Variants in DPYD observed in about 807,000 individuals in gnomAD.
DPYD encodes dihydropyrimidine dehydrogenase.
DPYD carries 109 observed loss-of-function variants against 116.2 expected under a neutral mutation model. The ratio of observed to expected loss-of-function variants is 0.94; its 90% CI spans 0.80 to 1.10. The LOEUF is 1.10. DPYD is among the 50% of genes least tolerant of loss of function. DPYD has a pLI of 0.00. For synonymous variants in DPYD, 440 were observed against 432.0 expected (o/e 1.02, Z -0.23); for missense variants, 1,302 against 1,254.5 (o/e 1.04, Z -0.57).
At chr1:97,109,141 A>T (rs1651402304) in intron 20 of DPYD, among the ~76,000 whole-genome samples, 2 of 152,154 alleles carry the variant, frequency 1.3e-5, no homozygotes, top group South Asian at 4.1e-4. Flanking sequence ...TAGGAAAAGC[A>T]TTAATAGATG....
chr1:97,291,693 G>T (rs1017549776), intron 18 of DPYD, among the ~76,000 whole-genome samples: 7 of 151,746 alleles, frequency 4.6e-5, no homozygotes, highest in Non-Finnish European at 8.8e-5. Flanking sequence ...GTTGTGGGGT[G>T]GGGGGAGTGG....
chr1:97,202,409 T>C (rs562717818), intron 19 of DPYD, among the ~76,000 whole-genome samples: 6 of 152,268 alleles, frequency 3.9e-5, no homozygotes, highest in African/African-American at 1.4e-4. Context: ...TGAAAGTCTA[T>C]TTTTCAGTGT....
In DPYD at chr1:97,261,132, C is replaced by T. The variant is rs139433369; in HGVS notation, c.2300-26138G>A. The stretch of plus-strand genomic sequence containing the variant: ...AAGACTTAGTCTAGAATTGTGAAGA[C>T]GTATGACAAACACATGACAAACAAG... On this transcript the variant is annotated intron_variant, in intron 18 of 22. Transcript: ENST00000370192. Among the ~76,000 whole-genome samples, 290 of 152,082 alleles carry T rather than the reference C, an allele frequency of 1.9e-3. 1 individual carries two copies. Among genetic ancestry groups the T allele is most frequent in the Middle Eastern group, 6.8e-3 (2 of 294 alleles).
At chr1:97,582,809 A>G (rs1017139504) in intron 10 of DPYD, among the ~76,000 whole-genome samples, 1 of 152,244 alleles carries the variant, frequency 6.6e-6, no homozygotes, top group Non-Finnish European at 1.5e-5. Context: ...TTGGATAAAT[A>G]TAGTCGTCCC....
At chr1:97,492,307 C>T (rs975320894) in intron 13 of DPYD, among the ~76,000 whole-genome samples, 1 of 152,110 alleles carries the variant, frequency 6.6e-6, no homozygotes, top group Non-Finnish European at 1.5e-5. Flanking sequence ...ACTACCTGCA[C>T]AGCATACACA....
chr1:97,389,288 G>C (rs1672535378), intron 14 of DPYD, among the ~76,000 whole-genome samples: 1 of 142,756 alleles, frequency 7.0e-6, no homozygotes, highest in African/African-American at 2.6e-5. Flanking sequence ...CAGCCTGGGC[G>C]ACAGAATGAG....
intron 20 of DPYD, among the ~76,000 whole-genome samples, chr1:97,116,870 C>G (rs1652004539): frequency 6.6e-6 from 1 of 151,922 alleles, no homozygotes; most frequent in Non-Finnish European, 1.5e-5. Context: ...AAAGGCAACT[C>G]CAGGCCAGTG....
rs556507431 is a variant in DPYD, at chr1:97,909,567, A to G, written c.39+11317T>C. ...GCTTCTTTCCCCAATGGCTATTGTC[A>G]AGCTCACACTTTTTCAATGTTACTA... On this transcript the variant is annotated intron_variant, in intron 1 of 22. Transcript: ENST00000370192. Among the ~76,000 whole-genome samples, 3 of 151,860 alleles carry G rather than the reference A, an allele frequency of 2.0e-5. No individual in the cohort carries two copies. In the South Asian group the frequency reaches 6.2e-4, roughly 32 times the overall value.
chr1:97,509,100 G>C (rs1460540886), intron 13 of DPYD, among the ~76,000 whole-genome samples: 1 of 151,962 alleles, frequency 6.6e-6, no homozygotes, highest in Non-Finnish European at 1.5e-5. Flanking sequence ...CCATGAGTGA[G>C]AAGAACTAAT....
At chr1:97,169,462 G>A (rs1042053990) in intron 20 of DPYD, among the ~76,000 whole-genome samples, 11 of 151,886 alleles carry the variant, frequency 7.2e-5, no homozygotes, top group Admixed American at 6.6e-4. Context: ...GCCCTTAGTA[G>A]GAAGATGTGC....
chr1:97,375,595 T>C (rs1387163031), intron 15 of DPYD, among the ~76,000 whole-genome samples: 7 of 152,292 alleles, frequency 4.6e-5, no homozygotes, highest in African/African-American at 1.7e-4. Context: ...GTAGTGAGCA[T>C]GGATGAGCAC....
At chr1:97,096,900 A>G (rs1024931162) in intron 21 of DPYD, among the ~76,000 whole-genome samples, 5 of 152,122 alleles carry the variant, frequency 3.3e-5, no homozygotes, top group Non-Finnish European at 7.4e-5. Flanking sequence ...GCCACATTTA[A>G]GAGCTGTAAC....
At chr1:97,166,112 A>G (rs1656305899) in intron 20 of DPYD, among the ~76,000 whole-genome samples, 1 of 152,204 alleles carries the variant, frequency 6.6e-6, no homozygotes, top group Non-Finnish European at 1.5e-5. Flanking sequence ...TCTACCTACC[A>G]TAAAGATACG....
intron 2 of DPYD, among the ~76,000 whole-genome samples, chr1:97,828,897 T>G (rs1299453562): frequency 6.6e-6 from 1 of 152,002 alleles, no homozygotes; most frequent in Non-Finnish European, 1.5e-5. Flanking sequence ...TTCTACTTTT[T>G]GGTAAAATAG....
chr1:97,907,772 T>C (rs1406012924), intron 1 of DPYD, among the ~76,000 whole-genome samples: 1 of 151,972 alleles, frequency 6.6e-6, no homozygotes, highest in Non-Finnish European at 1.5e-5. Flanking sequence ...CCAGCTCCTT[T>C]GCAGTTCACA....
At chr1:97,286,303 G>A (rs1156677280) in intron 18 of DPYD, among the ~76,000 whole-genome samples, 1 of 152,134 alleles carries the variant, frequency 6.6e-6, no homozygotes, top group African/African-American at 2.4e-5. Context: ...TTAGTCTGAT[G>A]GGCTTCCCTT....
chr1:97,420,256 TC>T (rs2101694861), intron 14 of DPYD: 1 of 152,344 alleles, frequency 6.6e-6, no homozygotes, highest in South Asian at 2.1e-4. Flanking sequence ...CTGAAGTAGG[TC>T]CGTCTTCCAG....
At chr1:97,413,668 G>T (rs1341185927) in intron 14 of DPYD, among the ~76,000 whole-genome samples, 1 of 151,988 alleles carries the variant, frequency 6.6e-6, no homozygotes. Context: ...TAGAGACAGG[G>T]TTTCACCACG....
chr1:97,412,175 T>C (rs1158673204), intron 14 of DPYD, among the ~76,000 whole-genome samples: 2 of 152,180 alleles, frequency 1.3e-5, no homozygotes, highest in Non-Finnish European at 2.9e-5. Flanking sequence ...CATTTAACTA[T>C]AATCAATGCA....
Sources: gnomAD v4.1 joint callset for allele counts (sites outside exome capture counted in the v4.1 genomes callset) on GRCh38, gnomAD v4.1.1 for gene constraint, MANE v1.5 for transcripts, NCBI Gene and HGNC (gene_info 2026-07-23, HGNC 2026-07-21) for gene names.